Variants in MCTP1 observed in about 807,000 individuals in gnomAD.
MCTP1 encodes the protein multiple C2 and transmembrane domain containing 1, also known as multiple C2 and transmembrane domain-containing protein 1.
In MCTP1, 69 loss-of-function variants were observed where a neutral mutation model predicts 120.6. The ratio of observed to expected loss-of-function variants is 0.57; its 90% CI spans 0.47 to 0.70. The LOEUF (loss-of-function observed/expected upper bound fraction) is 0.70, where lower values mean the gene tolerates loss of function less well. Among genes scored for constraint, MCTP1 ranks in the 30% least tolerant of loss-of-function variants. MCTP1 has a pLI of 0.00. For missense variants in MCTP1, 1,203 were observed against 1,248.8 expected (o/e 0.96, Z 0.55); for synonymous variants, 529 against 493.1 (o/e 1.07, Z -0.96).
Position 94,926,374 on chromosome 5 carries a change from A to C in MCTP1, c.1213-2353T>G, listed in dbSNP as rs757561442. Among the ~76,000 whole-genome samples, 424 of 152,294 alleles carry C rather than the reference A, an allele frequency of 2.8e-3. 3 individuals carry two copies. Among genetic ancestry groups the C allele is most frequent in the South Asian group, 3.7e-3 (18 of 4,826 alleles). The stretch of plus-strand genomic sequence containing the variant: ...TTTATCAATACAATTTTGGCCACTT[A>C]AGAGATTAAAAAATAAATAAATACA... On this transcript the variant is annotated intron_variant, in intron 6 of 22. Coordinates refer to ENST00000515393, the MANE Select transcript of MCTP1 (RefSeq NM_024717.7).
intron 1 of MCTP1, among the ~76,000 whole-genome samples, chr5:95,102,058 C>G (rs145610400): frequency 6.6e-6 from 1 of 152,242 alleles, no homozygotes; most frequent in East Asian, 1.9e-4. Flanking sequence ...AGCAACGTGT[C>G]TTTGCAGCTC....
chr5:95,264,603 C>T (rs546329126), intron 1 of MCTP1, among the ~76,000 whole-genome samples: 1 of 152,296 alleles, frequency 6.6e-6, no homozygotes, highest in East Asian at 1.9e-4. Flanking sequence ...TAAAGACCCA[C>T]CTCTCTCCCA....
intron 17 of MCTP1, among the ~76,000 whole-genome samples, chr5:94,837,780 T>C (rs1790158605): frequency 6.6e-6 from 1 of 152,196 alleles, no homozygotes; most frequent in Non-Finnish European, 1.5e-5. Context: ...TTGACAGTCA[T>C]CTCTTAAAGT....
intron 18 of MCTP1, among the ~76,000 whole-genome samples, chr5:94,795,030 T>G (rs1779711119): frequency 6.6e-6 from 1 of 152,186 alleles, no homozygotes; most frequent in African/African-American, 2.4e-5. Context: ...TGACACTTTC[T>G]GTGTGTTTTT....
rs72779448 is a variant in MCTP1 at position 95,116,715 on chromosome 5, G to C, written c.721-99231C>G. Among the ~76,000 whole-genome samples the C allele has an allele frequency of 2.4e-3, 364 of 152,192 alleles. 1 individual carries two copies. Among genetic ancestry groups the C allele is most frequent in the Non-Finnish European group, 4.6e-3 (314 of 68,004 alleles). On this transcript the variant is annotated intron_variant, in intron 1 of 22. Transcript: ENST00000515393. The stretch of plus-strand genomic sequence containing the variant: ...TTTGTGTCCTCTCTGGTTTTCTTGA[G>C]TGGTGGTTTGTAGTTCTCCTTGAAG...
At chr5:94,901,793 T>A (rs1393813218) in intron 10 of MCTP1, among the ~76,000 whole-genome samples, 1 of 152,196 alleles carries the variant, frequency 6.6e-6, no homozygotes, top group Non-Finnish European at 1.5e-5. Flanking sequence ...ATAACATTCC[T>A]TTCTAGATGA....
intron 17 of MCTP1, among the ~76,000 whole-genome samples, chr5:94,828,257 GT>G (rs1380475958): frequency 1.3e-5 from 2 of 152,148 alleles, no homozygotes; most frequent in African/African-American, 4.8e-5. Context: ...GGTCCACCCT[GT>G]TTGCCTGGGT....
At chr5:94,854,548 T>C (rs916572396) in intron 17 of MCTP1, among the ~76,000 whole-genome samples, 3 of 151,860 alleles carry the variant, frequency 2.0e-5, no homozygotes, top group Non-Finnish European at 2.9e-5. Context: ...ATGTCAGTGA[T>C]CAACTATAAC....
chr5:94,953,652 G>T (rs912060287), intron 2 of MCTP1, among the ~76,000 whole-genome samples: 1 of 150,234 alleles, frequency 6.7e-6, no homozygotes, highest in Admixed American at 6.7e-5. Context: ...CAAAGGAAAA[G>T]AAATCATTTT....
intron 2 of MCTP1, among the ~76,000 whole-genome samples, chr5:94,960,712 C>A (rs117922689): frequency 6.6e-5 from 10 of 152,084 alleles, no homozygotes; most frequent in African/African-American, 1.9e-4. Context: ...CAAATTAAAA[C>A]CCCAATGACA....
At position 94,741,672 on chromosome 5, in the gene MCTP1, T is replaced by C. The variant is rs570767796; in HGVS notation, c.2611-26786A>G. Among the ~76,000 whole-genome samples the C allele has an allele frequency of 2.6e-5, 4 of 152,322 alleles. No individual in the cohort carries two copies. In the East Asian group the frequency reaches 5.8e-4, roughly 22 times the overall value. On this transcript the variant is annotated intron_variant, in intron 19 of 22. Transcript: ENST00000515393. ...AGATGCTTTAGTAATAATTAAATAA[T>C]AGCAGCCCATGCCACCAAGGTAAGA...
chr5:95,085,972 A>G (rs760474251), intron 1 of MCTP1, among the ~76,000 whole-genome samples: 4 of 151,844 alleles, frequency 2.6e-5, no homozygotes, highest in Non-Finnish European at 4.4e-5. Context: ...TCCTTTGTCA[A>G]TTATGAGAGT....
chr5:95,271,649 G>A (rs988782928), intron 1 of MCTP1, among the ~76,000 whole-genome samples: 3 of 152,004 alleles, frequency 2.0e-5, no homozygotes, highest in African/African-American at 7.2e-5. Context: ...GCTCTTCCAT[G>A]GTGGCTGTAA....
At chr5:95,265,977 G>A (rs1224726114) in intron 1 of MCTP1, among the ~76,000 whole-genome samples, 1 of 152,182 alleles carries the variant, frequency 6.6e-6, no homozygotes, top group Non-Finnish European at 1.5e-5. Context: ...TCTCATATAA[G>A]AATGCATAAG....
Position 94,976,619 on chromosome 5 carries a change from T to C in MCTP1, c.839-23258A>G, listed in dbSNP as rs143208158. Reference sequence around the variant, plus strand: ...AAGGTGTTTGGATATACTTGTGACATATCTCTCAATATCTAATAAATAGAT... The same window carrying C: ...AAGGTGTTTGGATATACTTGTGACACATCTCTCAATATCTAATAAATAGAT... On this transcript the variant is annotated intron_variant, in intron 2 of 22. Transcript: ENST00000515393. The C allele has an allele frequency of 2.4e-3, 364 of 152,232 alleles. 1 individual carries two copies. The highest frequency in any genetic ancestry group is 8.0e-3 in the African/African-American group (332 of 41,538). 9.4% of individuals were successfully genotyped at this position (152,232 alleles called of 1,614,324 possible). A position where few individuals can be genotyped will look rare whatever the true frequency, so the allele number is the denominator to read the frequency against.
At chr5:95,183,086 A>G (rs561677567) in intron 1 of MCTP1, among the ~76,000 whole-genome samples, 5 of 152,096 alleles carry the variant, frequency 3.3e-5, no homozygotes, top group Admixed American at 2.0e-4. Context: ...CAGCGCCAGT[A>G]TAAGGACAGA....
At chr5:94,991,300 G>A (rs2153615477) in intron 2 of MCTP1, among the ~76,000 whole-genome samples, 1 of 152,194 alleles carries the variant, frequency 6.6e-6, no homozygotes, top group East Asian at 1.9e-4. Flanking sequence ...TTTGGTGCAT[G>A]TGATGGAGTA....
chr5:94,714,219 T>C (rs1254930381), intron 20 of MCTP1, among the ~76,000 whole-genome samples: 5 of 152,180 alleles, frequency 3.3e-5, no homozygotes, highest in African/African-American at 1.2e-4. Flanking sequence ...GGATTCTGTT[T>C]TTATAATTTT....
At chr5:94,906,425 G>A (rs180810682) in intron 10 of MCTP1, among the ~76,000 whole-genome samples, 6 of 152,274 alleles carry the variant, frequency 3.9e-5, no homozygotes, top group Non-Finnish European at 7.4e-5. Context: ...GGTGGAGGTT[G>A]CAGTGAGCCG....
Sources: gnomAD v4.1 joint callset for allele counts (sites outside exome capture counted in the v4.1 genomes callset) on GRCh38, gnomAD v4.1.1 for gene constraint, MANE v1.5 for transcripts, NCBI Gene and HGNC (gene_info 2026-07-23, HGNC 2026-07-21) for gene names.